Variants in SP3 observed in about 807,000 individuals in gnomAD.
SP3 encodes transcription factor Sp3.
Under a neutral mutation model 70.3 loss-of-function variants are expected in SP3, and 10 were observed. The ratio of observed to expected loss-of-function variants is 0.14; its 90% CI spans 0.09 to 0.24. The LOEUF is 0.24. Ranked by LOEUF, SP3 falls within the 10% of genes least tolerant of loss-of-function variation. The probability of loss-of-function intolerance (pLI) is 1.00; values close to 1 mark genes in which losing one functional copy is unlikely to be tolerated. For synonymous variants in SP3, 402 were observed against 333.5 expected, an observed-to-expected ratio of 1.21 and a Z score of -2.24; for missense variants, 825 against 914.6, an observed-to-expected ratio of 0.90 and a Z score of 1.26.
chr2:173,964,333 G>A (rs1382136588), intron 2 of SP3, 72 bp downstream of exon 2: 4 of 635,004 alleles, frequency 6.3e-6, no homozygotes, highest in Admixed American at 2.3e-5. Context: ...GAGGCGAGGA[G>A]GGAGGGGAGA....
At chr2:173,948,800 G>A (rs186507900) in intron 4 of SP3, among the ~76,000 whole-genome samples, 76 of 151,914 alleles carry the variant, frequency 5.0e-4, no homozygotes, top group African/African-American at 1.7e-3. Flanking sequence ...CAAAAAAATC[G>A]TTGGAAAATC....
At chr2:173,964,246 G>GT (rs1691197259) in intron 2 of SP3, 159 bp downstream of exon 2, 1 of 504,576 alleles carries the variant, frequency 2.0e-6, no homozygotes, top group Non-Finnish European at 3.5e-6. Flanking sequence ...GGGTCGGAGC[G>GT]TTGGCGCCTC....
rs117105018 is a variant in SP3, at chr2:173,942,823, A to G, written c.1639+12050T>C. On this transcript the variant is annotated intron_variant, in intron 4 of 6. Coordinates refer to ENST00000310015, the MANE Select transcript of SP3 (RefSeq NM_003111.5). ...GTACAGTCAGCCCTCCACAGGTTCT[A>G]TATCTGTGGATCCAATTAACTGTAA... Among the ~76,000 whole-genome samples the G allele has an allele frequency of 6.5e-3, 985 of 152,320 alleles. 16 individuals carry two copies. Among genetic ancestry groups the G allele is most frequent in the East Asian group, 0.037 (193 of 5,190 alleles).
chr2:173,962,118 G>T (rs1380278558), intron 3 of SP3, among the ~76,000 whole-genome samples: 1 of 152,060 alleles, frequency 6.6e-6, no homozygotes, highest in African/African-American at 2.4e-5. Flanking sequence ...GAAGAAGCAT[G>T]GAAACTTCCC....
rs1456800714 is a variant in SP3, at chr2:173,901,039, C to T, written c.*8902G>A. ...GGGTGGGCAGAGGAGACTTCCTTAC[C>T]GGATGTCAAGAATTTAGGATAAATA... On this transcript the variant is annotated 3_prime_UTR_variant, in exon 7 of 7. Coordinates refer to ENST00000310015, the MANE Select transcript of SP3 (RefSeq NM_003111.5). 6.6e-6 allele frequency among the ~76,000 whole-genome samples: 1 copy of T among 152,064 alleles called. No individual in the cohort carries two copies. Among genetic ancestry groups the T allele is most frequent in the Non-Finnish European group, 1.5e-5 (1 of 68,010 alleles).
At chr2:173,962,874 C>T (rs1268450950) in intron 3 of SP3, 1 of 152,168 alleles carries the variant, frequency 6.6e-6, no homozygotes, top group Non-Finnish European at 1.5e-5. Flanking sequence ...AAAAACTGTT[C>T]CTATCCTATT....
Position 173,964,661 on chromosome 2 carries a change from C to T in SP3, c.8-108G>A. 4 of 489,428 alleles carry T rather than the reference C, an allele frequency of 8.2e-6. No homozygotes were observed. In the South Asian group the frequency reaches 1.1e-4, roughly 13 times the overall value. 30.3% of individuals were successfully genotyped at this position (489,428 alleles called of 1,614,324 possible). A position where few individuals can be genotyped will look rare whatever the true frequency, so the allele number is the denominator to read the frequency against. On this transcript the variant is annotated intron_variant, in intron 1 of 6. Transcript: ENST00000310015. ...TACTCCCAAAGCCCGGACCCAGGCC[C>T]CTTCCCCTCCCCCACCCGCCCCCCG...
intron 4 of SP3, among the ~76,000 whole-genome samples, chr2:173,946,740 T>TA (rs1178482141): frequency 6.7e-6 from 1 of 148,446 alleles, no homozygotes; most frequent in African/African-American, 2.5e-5. Context: ...TTTTTTTTTT[T>TA]AAGACAGGGC....
At chr2:173,925,554 A>G (rs1559094947) in intron 4 of SP3, among the ~76,000 whole-genome samples, 1 of 152,226 alleles carries the variant, frequency 6.6e-6, no homozygotes, top group Non-Finnish European at 1.5e-5. Context: ...TTAAGATGGT[A>G]AATTTAATGT....
chr2:173,933,651 T>TATATAC (rs1273406036), intron 4 of SP3, among the ~76,000 whole-genome samples: 1 of 139,796 alleles, frequency 7.2e-6, no homozygotes, highest in East Asian at 2.1e-4. Flanking sequence ...TATATATATA[T>TATATAC]ATATATATAT....
chr2:173,924,878 A>C (rs1320400567), intron 4 of SP3, among the ~76,000 whole-genome samples: 9 of 152,232 alleles, frequency 5.9e-5, no homozygotes, highest in African/African-American at 9.6e-5. Flanking sequence ...AAGAAACTTT[A>C]GTACATACAT....
At chr2:173,952,914 G>A (rs1690755499) in intron 4 of SP3, among the ~76,000 whole-genome samples, 2 of 152,230 alleles carry the variant, frequency 1.3e-5, no homozygotes. Flanking sequence ...ATGAGTGACT[G>A]CTAAAGGGTA....
chr2:173,943,017 G>A (rs1690420541), intron 4 of SP3, among the ~76,000 whole-genome samples: 1 of 152,120 alleles, frequency 6.6e-6, no homozygotes, highest in East Asian at 1.9e-4. Flanking sequence ...CAAGAGACTA[G>A]AGCATCTGGG....
chr2:173,945,353 T>C lies in SP3; in HGVS notation c.1639+9520A>G, dbSNP rs185249465. Among the ~76,000 whole-genome samples the C allele has an allele frequency of 2.3e-3, 348 of 152,270 alleles. 1 individual carries two copies. Among genetic ancestry groups the C allele is most frequent in the Non-Finnish European group, 3.4e-3 (232 of 68,014 alleles). On this transcript the variant is annotated intron_variant, in intron 4 of 6. Transcript: ENST00000310015. ...ATCCATACAAACTAAATTCAAAAAC[T>C]ACACCTCAAAGTTTCTAAATTGTTA...
chr2:173,943,360 A>G (rs1397105734), intron 4 of SP3, among the ~76,000 whole-genome samples: 22 of 152,144 alleles, frequency 1.4e-4, no homozygotes, highest in Admixed American at 1.4e-3. Context: ...CCAAATGTCA[A>G]TGTGACAGGC....
rs570313770 is a variant in SP3, at chr2:173,937,523, T to C, written c.1639+17350A>G. Among the ~76,000 whole-genome samples the C allele has an allele frequency of 8.9e-4, 136 of 152,138 alleles. 1 individual carries two copies. The highest frequency in any genetic ancestry group is 1.7e-3 in the Non-Finnish European group (118 of 68,026). On this transcript the variant is annotated intron_variant, in intron 4 of 6. Coordinates refer to ENST00000310015, the MANE Select transcript of SP3 (RefSeq NM_003111.5). ...ACTAACTCAAACATCACAGGAGATG[T>C]TGGAACCAAAATTAAAGTCCAATCT...
In SP3 at chr2:173,963,848, A is replaced by C; in HGVS notation, c.192T>G (p.Ala64=). The change falls in exon 3 of 7, where the codon GCT becomes GCG. Residue 64 remains alanine (A), a synonymous_variant. Coordinates refer to ENST00000310015, the MANE Select transcript of SP3 (RefSeq NM_003111.5). Reference sequence around the variant, plus strand: ...ATGGCGGCCCTATCTTGCTGCAGGTAGCGGCCAGCAGAGCGAGCGGTGACG... The same window carrying C: ...ATGGCGGCCCTATCTTGCTGCAGGTCGCGGCCAGCAGAGCGAGCGGTGACG... ...TQPSPLALLA[A]TCSKIGPPSP... is the part of the protein sequence containing the mutation. 2.0e-6 allele frequency: 3 copies of C among 1,491,100 alleles called. No homozygotes were observed. Among genetic ancestry groups the C allele is most frequent in the Non-Finnish European group, 1.8e-6 (2 of 1,114,988 alleles). 92.4% of individuals were successfully genotyped at this position (1,491,100 alleles called of 1,614,324 possible).
In SP3 at chr2:173,924,062, A is replaced by G. The variant is rs184429447; in HGVS notation, c.1640-5277T>C. ...TTAGGGGTTAGGTTTTTAAAACTAAATGTTATCCCCTTACCAAATATAATA... is the reference window on the plus strand; with the variant it reads ...TTAGGGGTTAGGTTTTTAAAACTAAGTGTTATCCCCTTACCAAATATAATA... On this transcript the variant is annotated intron_variant, in intron 4 of 6. Coordinates refer to ENST00000310015, the MANE Select transcript of SP3 (RefSeq NM_003111.5). 4.8e-4 allele frequency among the ~76,000 whole-genome samples: 73 copies of G among 152,178 alleles called. 1 individual carries two copies. Among genetic ancestry groups the G allele is most frequent in the African/African-American group, 1.7e-3 (70 of 41,568 alleles).
chr2:173,904,760 G>A lies in SP3; in HGVS notation c.*5181C>T, dbSNP rs1689269970. ...AGAAAGTAATGCTCAGAGAAGGGAT[G>A]TAAGTCGGACAGATATCCTAAAAGG... On this transcript the variant is annotated 3_prime_UTR_variant, in exon 7 of 7. Coordinates refer to ENST00000310015, the MANE Select transcript of SP3 (RefSeq NM_003111.5). 6.6e-6 allele frequency among the ~76,000 whole-genome samples: 1 copy of A among 152,232 alleles called. No individual in the cohort carries two copies. Among genetic ancestry groups the A allele is most frequent in the Non-Finnish European group, 1.5e-5 (1 of 68,040 alleles).
Sources: gnomAD v4.1 joint callset for allele counts (sites outside exome capture counted in the v4.1 genomes callset) on GRCh38, gnomAD v4.1.1 for gene constraint, MANE v1.5 for transcripts, NCBI Gene and HGNC (gene_info 2026-07-23, HGNC 2026-07-21) for gene names.